The following GABPB1 variants were observed in gnomAD, a reference collection of about 807,000 sequenced individuals.
GABPB1 encodes GA binding protein transcription factor subunit beta 1, also known as GA-binding protein subunit beta-1.
A neutral mutation model predicts 45.9 loss-of-function variants in GABPB1; 15 were observed. The observed-to-expected ratio is 0.33, with a 90% CI of 0.22 to 0.50. The LOEUF is 0.50. Ranked by LOEUF, GABPB1 falls within the 20% of genes least tolerant of loss-of-function variation. The probability of loss-of-function intolerance (pLI) is 0.98; values close to 1 mark genes in which losing one functional copy is unlikely to be tolerated. For synonymous variants in GABPB1, 143 were observed against 154.4 expected, an observed-to-expected ratio of 0.93 and a Z score of 0.55; for missense variants, 252 against 457.5, an observed-to-expected ratio of 0.55 and a Z score of 4.10.
At chr15:50,345,092 A>G (rs981185069) in intron 1 of GABPB1, among the ~76,000 whole-genome samples, 1 of 152,316 alleles carries the variant, frequency 6.6e-6, no homozygotes, top group East Asian at 1.9e-4. Context: ...ATAATCAAGT[A>G]CTGATGAGAC....
At chr15:50,348,704 A>T (rs1343527689) in intron 1 of GABPB1, among the ~76,000 whole-genome samples, 2 of 151,982 alleles carry the variant, frequency 1.3e-5, no homozygotes, top group Non-Finnish European at 2.9e-5. Context: ...TCTACTAAAA[A>T]TGCAAAAATT....
chr15:50,311,841 C>T (rs979779902), intron 1 of GABPB1, among the ~76,000 whole-genome samples: 1 of 152,058 alleles, frequency 6.6e-6, no homozygotes, highest in Non-Finnish European at 1.5e-5. Context: ...ATAAGAAAAG[C>T]TGTCCATGAA....
intron 6 of GABPB1, among the ~76,000 whole-genome samples, 173 bp from the exon 7 acceptor site, chr15:50,289,841 T>C (rs1239225692): frequency 6.6e-6 from 1 of 151,862 alleles, no homozygotes. Flanking sequence ...GGCACAATCA[T>C]GGCTCACTGC....
Position 50,355,020 on chromosome 15 carries a change from C to T in GABPB1, c.-36G>A, listed in dbSNP as rs1038504505. 10 of 156,134 alleles carry T rather than the reference C, an allele frequency of 6.4e-5. No individual in the cohort carries two copies. The highest frequency in any genetic ancestry group is 3.7e-4 in the South Asian group (2 of 5,374). 9.7% of individuals were successfully genotyped at this position (156,134 alleles called of 1,614,324 possible). ...TTCGGGAGCGGCGACGGGAAGGCAG[C>T]AGGAGGTGGTGCGGGGACCCGAGGC... On this transcript the variant is annotated 5_prime_UTR_variant, in exon 1 of 9. Coordinates refer to ENST00000380877, the MANE Select transcript of GABPB1 (RefSeq NM_016654.5).
At chr15:50,304,211 C>T in intron 2 of GABPB1, 78 bp from the exon 3 acceptor site, 1 of 1,226,976 alleles carries the variant, frequency 8.2e-7, no homozygotes, top group Non-Finnish European at 1.1e-6. Flanking sequence ...AACAGATTTT[C>T]TTTACATTAT....
At chr15:50,334,624 C>T (rs1405305925) in intron 1 of GABPB1, among the ~76,000 whole-genome samples, 2 of 148,344 alleles carry the variant, frequency 1.3e-5, no homozygotes, top group Non-Finnish European at 3.0e-5. Flanking sequence ...CCTCCCACAT[C>T]AGCCTCCGGA....
At chr15:50,347,937 C>G (rs1314868918) in intron 1 of GABPB1, among the ~76,000 whole-genome samples, 4 of 150,002 alleles carry the variant, frequency 2.7e-5, no homozygotes, top group Non-Finnish European at 5.9e-5. Context: ...GCACCTGTAA[C>G]TGCAGCTACT....
rs138354584 is a variant in GABPB1 at position 50,331,244 on chromosome 15, G to A, written c.1-21446C>T. Reference sequence around the variant, plus strand: ...CAGTCATATGACCTCCACTCCACAAGAGAAGCATCTGTGCTGGACCTTAAT... The same window carrying A: ...CAGTCATATGACCTCCACTCCACAAAAGAAGCATCTGTGCTGGACCTTAAT... On this transcript the variant is annotated intron_variant, in intron 1 of 8. Transcript: ENST00000380877. 1.4e-3 allele frequency among the ~76,000 whole-genome samples: 213 copies of A among 152,328 alleles called. 1 individual carries two copies. Among genetic ancestry groups the A allele is most frequent in the Middle Eastern group, 3.4e-3 (1 of 294 alleles).
intron 6 of GABPB1, among the ~76,000 whole-genome samples, chr15:50,293,560 C>T (rs1433639489): frequency 1.3e-5 from 2 of 152,158 alleles, no homozygotes; most frequent in African/African-American, 2.4e-5. Flanking sequence ...AGAGCTACTA[C>T]TAGGATTTTC....
intron 1 of GABPB1, among the ~76,000 whole-genome samples, chr15:50,311,432 A>G (rs996118198): frequency 1.3e-5 from 2 of 152,198 alleles, no homozygotes; most frequent in Non-Finnish European, 2.9e-5. Context: ...AATAAATTAT[A>G]AAGAGAGTAA....
At chr15:50,341,614 A>C (rs186850060) in intron 1 of GABPB1, among the ~76,000 whole-genome samples, 2 of 152,314 alleles carry the variant, frequency 1.3e-5, no homozygotes, top group East Asian at 3.9e-4. Context: ...TGAGCCTGAA[A>C]TATGAATCTA....
intron 7 of GABPB1, among the ~76,000 whole-genome samples, chr15:50,288,823 C>T (rs532647771): frequency 4.6e-5 from 7 of 152,044 alleles, no homozygotes; most frequent in Non-Finnish European, 1.0e-4. Context: ...CCTAAGTCCA[C>T]CTTTTTTTTT....
chr15:50,342,255 C>T (rs1002205995), intron 1 of GABPB1, among the ~76,000 whole-genome samples: 1 of 152,056 alleles, frequency 6.6e-6, no homozygotes, highest in Non-Finnish European at 1.5e-5. Flanking sequence ...GATTCCATCA[C>T]ATTACAAATG....
At chr15:50,323,258 T>G (rs1049247692) in intron 1 of GABPB1, among the ~76,000 whole-genome samples, 1 of 152,108 alleles carries the variant, frequency 6.6e-6, no homozygotes, top group Admixed American at 6.6e-5. Context: ...GCTGCTACCC[T>G]AGGATCAGGC....
chr15:50,303,363 A>G (rs1004398694), intron 3 of GABPB1, among the ~76,000 whole-genome samples: 8 of 152,166 alleles, frequency 5.3e-5, no homozygotes, highest in African/African-American at 1.9e-4. Flanking sequence ...AGCCTGGGCA[A>G]TATGGCAAAA....
At chr15:50,310,339 C>T (rs1003848287) in intron 1 of GABPB1, among the ~76,000 whole-genome samples, 5 of 152,102 alleles carry the variant, frequency 3.3e-5, no homozygotes, top group Admixed American at 6.6e-5. Context: ...ATGATCTGCC[C>T]GCCTTGGCCT....
At chr15:50,286,031 G>A (rs1307490190) in intron 8 of GABPB1, 37 bp downstream of exon 8, 1 of 1,593,986 alleles carries the variant, frequency 6.3e-7, no homozygotes, top group Non-Finnish European at 8.5e-7. Context: ...TATTTTGGAT[G>A]ACTGCGGCAA....
chr15:50,342,420 CAG>C (rs1398003397), intron 1 of GABPB1, among the ~76,000 whole-genome samples: 1 of 151,922 alleles, frequency 6.6e-6, no homozygotes, highest in Non-Finnish European at 1.5e-5. Flanking sequence ...TACCACTCAA[CAG>C]ATGTTTGCTA....
At chr15:50,317,414 A>C (rs908182311) in intron 1 of GABPB1, among the ~76,000 whole-genome samples, 4 of 112,198 alleles carry the variant, frequency 3.6e-5, no homozygotes, top group African/African-American at 1.2e-4. Context: ...CAAAAAAAAA[A>C]AAGAAAGAAA....
Sources: gnomAD v4.1 joint callset for allele counts (sites outside exome capture counted in the v4.1 genomes callset) on GRCh38, gnomAD v4.1.1 for gene constraint, MANE v1.5 for transcripts, NCBI Gene and HGNC (gene_info 2026-07-23, HGNC 2026-07-21) for gene names.